PAPSS1: variants seen among roughly 807,000 people sequenced by gnomAD.
PAPSS1 encodes the protein bifunctional 3'-phosphoadenosine 5'-phosphosulfate synthase 1.
A neutral mutation model predicts 72.0 loss-of-function variants in PAPSS1; 50 were observed. The ratio of observed to expected loss-of-function variants is 0.69; its 90% CI spans 0.55 to 0.88. The LOEUF is 0.88. Among genes scored for constraint, PAPSS1 ranks in the 40% least tolerant of loss-of-function variants. The probability of loss-of-function intolerance (pLI) is 0.00; values close to 1 mark genes in which losing one functional copy is unlikely to be tolerated. For synonymous variants in PAPSS1, 261 were observed against 263.6 expected (o/e 0.99, Z 0.09); for missense variants, 657 against 782.2 (o/e 0.84, Z 1.91).
intron 9 of PAPSS1, among the ~76,000 whole-genome samples, chr4:107,648,996 G>A (rs751635586): frequency 9.2e-5 from 14 of 152,202 alleles, no homozygotes; most frequent in Admixed American, 2.0e-4. Context: ...TGGCAGCAAT[G>A]AACTACTTTC....
In PAPSS1 at chr4:107,669,417, T is replaced by TA. The variant is rs534957256; in HGVS notation, c.670-9346dup. ...CATTTTTAAATTCTACATCATAGTATAAAAGAAGAGAAATAAATGAATCTA... is the reference window on the plus strand; with the variant it reads ...CATTTTTAAATTCTACATCATAGTATAAAAAGAAGAGAAATAAATGAATCTA... On this transcript the variant is annotated intron_variant, in intron 5 of 11. Coordinates refer to ENST00000265174, the MANE Select transcript of PAPSS1 (RefSeq NM_005443.5). Among the ~76,000 whole-genome samples the TA allele has an allele frequency of 2.4e-4, 36 of 152,296 alleles. No homozygotes were observed. The East Asian group carries it at 4.6e-3, about 20-fold the overall frequency.
intron 1 of PAPSS1, among the ~76,000 whole-genome samples, chr4:107,711,119 T>C (rs1723480705): frequency 1.3e-5 from 2 of 152,366 alleles, no homozygotes; most frequent in Non-Finnish European, 2.9e-5. Flanking sequence ...ATACAAGACA[T>C]TTATTTTAAA....
At chr4:107,683,641 A>G (rs1722691204) in intron 4 of PAPSS1, among the ~76,000 whole-genome samples, 1 of 152,216 alleles carries the variant, frequency 6.6e-6, no homozygotes, top group Non-Finnish European at 1.5e-5. Context: ...ATAAATGTAA[A>G]TTGTGAGAAA....
In PAPSS1 at chr4:107,720,206, G is replaced by C. The variant is rs751961725; in HGVS notation, c.-27C>G. The C allele has an allele frequency of 1.2e-5, 19 of 1,593,778 alleles. No homozygotes were observed. Among genetic ancestry groups the C allele is most frequent in the Middle Eastern group, 1.7e-4 (1 of 6,018 alleles). On this transcript the variant is annotated 5_prime_UTR_variant, in exon 1 of 12. Transcript: ENST00000265174. ...ACCGCGGAGCGCGCTGAGCAGCCGG[G>C]GTTCTCTGCGCCGGGAGGGTAGCAA... is the stretch of plus-strand genomic sequence containing the variant.
In PAPSS1 at chr4:107,653,539, G is replaced by A. The variant is rs756348268; in HGVS notation, c.1189C>T (p.Arg397Cys). 8 of 1,611,832 alleles carry A rather than the reference G, an allele frequency of 5.0e-6. No homozygotes were observed. The highest frequency in any genetic ancestry group is 3.3e-5 in the Admixed American group (2 of 59,920). ...VYWNDGLDQY[R>C]LTPTELKQKF... ...TGCTTTAGCTCAGTAGGAGTAAGACGATACTGATCAAGACCATCATTCCAA... is the reference window on the plus strand; with the variant it reads ...TGCTTTAGCTCAGTAGGAGTAAGACAATACTGATCAAGACCATCATTCCAA... The change falls in exon 9 of 12, where the codon CGT becomes TGT. Residue 397 changes from arginine (R) to cysteine (C), a missense_variant. By Grantham distance (180) the Arg-to-Cys change is radical (BLOSUM62 -3). This residue lies in a region of PAPSS1 where 166 missense variants were observed against 228.3 expected (regional missense o/e 0.73). Coordinates refer to ENST00000265174, the MANE Select transcript of PAPSS1 (RefSeq NM_005443.5).
At chr4:107,646,246 G>A in intron 9 of PAPSS1, among the ~76,000 whole-genome samples, 1 of 150,120 alleles carries the variant, frequency 6.7e-6, no homozygotes, top group African/African-American at 2.5e-5. Flanking sequence ...TTTTACATAT[G>A]GACATAAAAG....
At chr4:107,666,216 TA>T in intron 5 of PAPSS1, among the ~76,000 whole-genome samples, 1 of 152,288 alleles carries the variant, frequency 6.6e-6, no homozygotes, top group Non-Finnish European at 1.5e-5. Context: ...TTTATAGCAC[TA>T]GTAAATCTAG....
chr4:107,663,887 C>G (rs149623374), intron 5 of PAPSS1, among the ~76,000 whole-genome samples: 16 of 152,146 alleles, frequency 1.1e-4, no homozygotes, highest in African/African-American at 3.4e-4. Flanking sequence ...AGTATTTTGT[C>G]ACACAAATTT....
chr4:107,621,607 T>A (rs1725955222), intron 11 of PAPSS1, among the ~76,000 whole-genome samples: 1 of 122,822 alleles, frequency 8.1e-6, no homozygotes, highest in Admixed American at 8.3e-5. Flanking sequence ...AGGTTTTTTA[T>A]CTTTTTTTTT....
At chr4:107,635,451 T>C (rs1161997580) in intron 10 of PAPSS1, among the ~76,000 whole-genome samples, 2 of 152,228 alleles carry the variant, frequency 1.3e-5, no homozygotes, top group African/African-American at 4.8e-5. Flanking sequence ...TGATTCTTTT[T>C]GTCATCAACA....
chr4:107,699,871 A>C (rs1028640314), intron 2 of PAPSS1, among the ~76,000 whole-genome samples: 1 of 152,216 alleles, frequency 6.6e-6, no homozygotes, highest in African/African-American at 2.4e-5. Flanking sequence ...CCAGGAGTTC[A>C]GAACCTAATG....
chr4:107,704,317 A>C (rs929857264), intron 1 of PAPSS1, among the ~76,000 whole-genome samples: 3 of 152,160 alleles, frequency 2.0e-5, no homozygotes, highest in African/African-American at 7.2e-5. Flanking sequence ...CTACTTTTCC[A>C]ATTTGGATGC....
At chr4:107,694,287 G>T in intron 2 of PAPSS1, 1 of 356,850 alleles carries the variant, frequency 2.8e-6, no homozygotes, top group Non-Finnish European at 5.1e-6. Flanking sequence ...TCAAACTCCT[G>T]GCTCAAGAGA....
intron 1 of PAPSS1, among the ~76,000 whole-genome samples, chr4:107,714,259 C>G (rs1057229440): frequency 6.6e-6 from 1 of 152,088 alleles, no homozygotes; most frequent in Non-Finnish European, 1.5e-5. Context: ...TTCCATCCAC[C>G]GACCCCCACC....
Position 107,631,660 on chromosome 4 carries a change from CT to C in PAPSS1, c.1706del (p.Lys569ArgfsTer46). 1 of 1,613,966 alleles carries C rather than the reference CT, an allele frequency of 6.2e-7. No homozygotes were observed. Among genetic ancestry groups the C allele is most frequent in the Admixed American group, 1.7e-5 (1 of 60,012 alleles). On this transcript the variant is annotated frameshift_variant, in exon 11 of 12. Transcript: ENST00000265174. LOFTEE classifies it high-confidence loss of function. ...CAGAGTCATAGTAGTCCATACGCTT[CT>C]TTTTCTTGTTGTAAGCTGCAACTCG... Reference protein sequence around the residue: ...PFRVAAYNKKKKRMDYYDSEH... With the variant: ...PFRVAAYNKKXKRMDYYDSEH...
chr4:107,689,438 A>G (rs770526628), intron 3 of PAPSS1, among the ~76,000 whole-genome samples: 43 of 152,314 alleles, frequency 2.8e-4, no homozygotes, highest in Non-Finnish European at 5.3e-4. Flanking sequence ...GACCTCCTCC[A>G]GGAAGCCTTC....
At chr4:107,659,425 A>G (rs1329797890) in intron 6 of PAPSS1, among the ~76,000 whole-genome samples, 1 of 152,192 alleles carries the variant, frequency 6.6e-6, no homozygotes, top group Non-Finnish European at 1.5e-5. Flanking sequence ...TACATAAATG[A>G]TACAACTTAA....
chr4:107,695,323 T>G (rs965660576), intron 2 of PAPSS1, among the ~76,000 whole-genome samples: 12 of 152,126 alleles, frequency 7.9e-5, no homozygotes, highest in African/African-American at 2.7e-4. Context: ...GAATGCTTGA[T>G]TTTTGCACAT....
At position 107,708,669 on chromosome 4, in the gene PAPSS1, C is replaced by T. The variant is rs377093158; in HGVS notation, c.61-7384G>A. 4.6e-5 allele frequency among the ~76,000 whole-genome samples: 7 copies of T among 152,294 alleles called. No individual in the cohort carries two copies. The East Asian group carries it at 1.2e-3, about 25-fold the overall frequency. ...GTAAGTAGAGACCGTCTGTTTTAAT[C>T]TCTAAAAAGAATGCTCCCTCAGTTT... On this transcript the variant is annotated intron_variant, in intron 1 of 11. Transcript: ENST00000265174.
Sources: gnomAD v4.1 joint callset for allele counts (sites outside exome capture counted in the v4.1 genomes callset) on GRCh38, gnomAD v4.1.1 for gene constraint, gnomAD v4.1.1 regional missense constraint, MANE v1.5 for transcripts, NCBI Gene and HGNC (gene_info 2026-07-23, HGNC 2026-07-21) for gene names.